The following NOS1 variants were observed in gnomAD, a reference collection of about 807,000 sequenced individuals.
NOS1 encodes the protein nitric oxide synthase 1.
NOS1 carries 51 observed loss-of-function variants against 164.5 expected under a neutral mutation model. That is an observed-to-expected ratio of 0.31 (90% confidence interval 0.25 to 0.39). The LOEUF (loss-of-function observed/expected upper bound fraction) is 0.39, where lower values mean the gene tolerates loss of function less well. Ranked by LOEUF, NOS1 falls within the 10% of genes least tolerant of loss-of-function variation. The probability of loss-of-function intolerance (pLI) is 1.00; values close to 1 mark genes in which losing one functional copy is unlikely to be tolerated. For missense variants in NOS1, 1,362 were observed against 1,885.6 expected, an observed-to-expected ratio of 0.72 and a Z score of 5.14; for synonymous variants, 719 against 745.8, an observed-to-expected ratio of 0.96 and a Z score of 0.59.
intron 1 of NOS1, among the ~76,000 whole-genome samples, chr12:117,343,720 C>T (rs1304953752): frequency 1.3e-5 from 2 of 152,202 alleles, no homozygotes; most frequent in East Asian, 1.9e-4. Flanking sequence ...TCAGTGTTAA[C>T]TTGAGGCTCA....
chr12:117,323,347 C>T (rs974979279), intron 2 of NOS1, among the ~76,000 whole-genome samples: 1 of 152,234 alleles, frequency 6.6e-6, no homozygotes, highest in African/African-American at 2.4e-5. Context: ...GTTTCCCTTT[C>T]AGACTCTGAG....
rs1876843556 is a variant in NOS1, at chr12:117,356,159, A to G, written c.-421+5353T>C. ...ACTATCCCATTAAATCCTCCTAACA[A>G]CTCCCTGTAGTACTTATAATCTCTG... On this transcript the variant is annotated intron_variant, in intron 1 of 28. Transcript: ENST00000317775. The surrounding 1 kb of genome is among the most constrained non-coding windows in gnomAD (Gnocchi z 4.2). 1.3e-5 allele frequency among the ~76,000 whole-genome samples: 2 copies of G among 151,624 alleles called. No individual in the cohort carries two copies. The highest frequency in any genetic ancestry group is 4.9e-5 in the African/African-American group (2 of 41,210).
At chr12:117,240,674 G>A (rs1291726881) in intron 20 of NOS1, among the ~76,000 whole-genome samples, 3 of 152,236 alleles carry the variant, frequency 2.0e-5, no homozygotes, top group African/African-American at 7.2e-5. Flanking sequence ...CCTGGACAGA[G>A]GACTCAGCAC....
Position 117,267,999 on chromosome 12 carries a change from T to G in NOS1, c.1941+44A>C, listed in dbSNP as rs41361947. The G allele has an allele frequency of 2.5e-4, 343 of 1,382,728 alleles. 1 individual carries two copies. In the East Asian group the frequency reaches 7.2e-3, roughly 29 times the overall value. 85.7% of individuals were successfully genotyped at this position (1,382,728 alleles called of 1,614,324 possible). A position where few individuals can be genotyped will look rare whatever the true frequency, so the allele number is the denominator to read the frequency against. The stretch of plus-strand genomic sequence containing the variant: ...CATCAAGGCTCTGAAAGGTTTGAAC[T>G]CTCATTTGAAGCTTGACCCTGGTGG... On this transcript the variant is annotated intron_variant, in intron 11 of 28. Coordinates refer to ENST00000317775, the MANE Select transcript of NOS1 (RefSeq NM_000620.5).
intron 2 of NOS1, among the ~76,000 whole-genome samples, chr12:117,316,833 G>A (rs1051952773): frequency 6.6e-6 from 1 of 152,106 alleles, no homozygotes; most frequent in African/African-American, 2.4e-5. Context: ...TGGTAGATGT[G>A]TTGAATATAC....
intron 16 of NOS1, among the ~76,000 whole-genome samples, chr12:117,257,390 G>A (rs1871545930): frequency 6.6e-6 from 1 of 152,100 alleles, no homozygotes; most frequent in Non-Finnish European, 1.5e-5. Context: ...GCCATCAATG[G>A]TAAGTTTGAT....
intron 1 of NOS1, among the ~76,000 whole-genome samples, chr12:117,345,370 T>C (rs984774795): frequency 6.6e-6 from 1 of 152,060 alleles, no homozygotes; most frequent in Non-Finnish European, 1.5e-5. Flanking sequence ...ACAATTTAAA[T>C]TATTGCCCAA....
At chr12:117,308,204 GA>G (rs1874247952) in intron 3 of NOS1, among the ~76,000 whole-genome samples, 3 of 151,744 alleles carry the variant, frequency 2.0e-5, no homozygotes, top group African/African-American at 7.3e-5. Context: ...AGTCTATGCA[GA>G]TTGTTGCCCC....
intron 14 of NOS1, among the ~76,000 whole-genome samples, chr12:117,259,360 G>A (rs1871706737): frequency 6.6e-6 from 1 of 152,186 alleles, no homozygotes; most frequent in African/African-American, 2.4e-5. Context: ...GTGGGACCTT[G>A]CTATGGTCAC....
rs1870336857 is a variant in NOS1, at chr12:117,243,297, CTTG to C, written c.2959_2961del (p.Gln987del). On this transcript the variant is annotated inframe_deletion and splice_region_variant, in exon 19 of 29. Coordinates refer to ENST00000317775, the MANE Select transcript of NOS1 (RefSeq NM_000620.5). This position sits in a 1 kb window ranked among gnomAD's most constrained non-coding sequence, Gnocchi z 4.3. ...TCCCTGGAAGGGTGGTGGGAGGTAC[CTTG>C]TGTGAGTTCTGGAGCTTCGGCCACA... 1 of 1,613,928 alleles carries C rather than the reference CTTG, an allele frequency of 6.2e-7. No individual in the cohort carries two copies. Among genetic ancestry groups the C allele is most frequent in the African/African-American group, 1.3e-5 (1 of 74,902 alleles).
At chr12:117,311,968 C>G (rs1284777441) in intron 2 of NOS1, among the ~76,000 whole-genome samples, 2 of 152,114 alleles carry the variant, frequency 1.3e-5, no homozygotes, top group Non-Finnish European at 2.9e-5. Flanking sequence ...CCATGAACCC[C>G]TGGACAACTT....
intron 3 of NOS1, among the ~76,000 whole-genome samples, chr12:117,295,129 A>C (rs564714911): frequency 6.6e-6 from 1 of 152,024 alleles, no homozygotes; most frequent in African/African-American, 2.4e-5. Flanking sequence ...TATTTTGGGG[A>C]CTAGTATTCT....
At chr12:117,351,240 C>G (rs1330422888) in intron 1 of NOS1, among the ~76,000 whole-genome samples, 3 of 152,326 alleles carry the variant, frequency 2.0e-5, no homozygotes, top group East Asian at 3.9e-4. Flanking sequence ...TCTGCTCTCT[C>G]CCTCTCTTAG....
chr12:117,357,159 C>T (rs1876892734), intron 1 of NOS1, among the ~76,000 whole-genome samples: 3 of 152,210 alleles, frequency 2.0e-5, no homozygotes, highest in South Asian at 2.1e-4. Flanking sequence ...CCCGTCTCTA[C>T]AAAAAATACA....
intron 22 of NOS1, among the ~76,000 whole-genome samples, chr12:117,231,525 CA>C (rs1411777361): frequency 6.6e-6 from 1 of 152,026 alleles, no homozygotes; most frequent in African/African-American, 2.4e-5. Flanking sequence ...ATCAAAACAT[CA>C]CATGTACCCC....
At chr12:117,218,599 C>T (rs867275433) in intron 27 of NOS1, among the ~76,000 whole-genome samples, 7 of 152,012 alleles carry the variant, frequency 4.6e-5, no homozygotes, top group African/African-American at 9.7e-5. Flanking sequence ...AACAAGTGGC[C>T]GCATAGCACT....
intron 3 of NOS1, among the ~76,000 whole-genome samples, chr12:117,292,631 C>T (rs1873136629): frequency 6.6e-6 from 1 of 152,164 alleles, no homozygotes; most frequent in Non-Finnish European, 1.5e-5. Flanking sequence ...GGTTAAGTTG[C>T]CCAAGATTGT....
Position 117,208,234 on chromosome 12 carries a change from G to C in NOS1, c.*7075C>G, listed in dbSNP as rs1398564270. 7 of 1,250,268 alleles carry C rather than the reference G, an allele frequency of 5.6e-6. No individual in the cohort carries two copies. The highest frequency in any genetic ancestry group is 7.3e-6 in the Non-Finnish European group (7 of 960,348). The allele number at this position is 1,250,268 out of a possible 1,614,324, so 77.4% of individuals were successfully genotyped here. On this transcript the variant is annotated 3_prime_UTR_variant, in exon 29 of 29. Transcript: ENST00000317775. ...AAAATTGGAAGATGAGAACTATACA[G>C]AAGAAGAGCATGCGACAAACACAGC...
chr12:117,297,591 C>G, intron 3 of NOS1, among the ~76,000 whole-genome samples: 1 of 151,886 alleles, frequency 6.6e-6, no homozygotes, highest in African/African-American at 2.4e-5. Context: ...GGGGTTTCTT[C>G]ATGTTGGTTG....
Sources: gnomAD v4.1 joint callset for allele counts (sites outside exome capture counted in the v4.1 genomes callset) on GRCh38, gnomAD v4.1.1 for gene constraint, Gnocchi (gnomAD v3.1) non-coding constraint, MANE v1.5 for transcripts, NCBI Gene and HGNC (gene_info 2026-07-23, HGNC 2026-07-21) for gene names.